The following MDFIC2 variants were observed in gnomAD, a reference collection of about 807,000 sequenced individuals.
The protein encoded by MDFIC2 is myoD family inhibitor domain-containing protein 2.
intron 3 of MDFIC2, among the ~76,000 whole-genome samples, chr3:70,201,827 G>T (rs1392245320): frequency 6.6e-6 from 1 of 152,168 alleles, no homozygotes; most frequent in Non-Finnish European, 1.5e-5. Flanking sequence ...GACTGGCAAA[G>T]ATCATTTTCC....
intron 2 of MDFIC2, among the ~76,000 whole-genome samples, chr3:70,290,644 C>T (rs902672000): frequency 1.6e-4 from 24 of 152,132 alleles, no homozygotes; most frequent in Non-Finnish European, 2.4e-4. Flanking sequence ...CAATGGCGGG[C>T]GCCCCTCCCC....
At chr3:70,242,597 C>G (rs964864910) in intron 2 of MDFIC2, among the ~76,000 whole-genome samples, 1 of 152,034 alleles carries the variant, frequency 6.6e-6, no homozygotes, top group Non-Finnish European at 1.5e-5. Context: ...TTCATTGTGC[C>G]CATTATATCT....
Position 70,196,872 on chromosome 3 carries a change from T to C in MDFIC2, c.*54A>G, listed in dbSNP as rs36049168. ...CACATGGAAATCAGTCTTGTTGTAA[T>C]GGAATTTCCCACCGTGGCCAAAAGG... On this transcript the variant is annotated 3_prime_UTR_variant, in exon 4 of 4. Coordinates refer to ENST00000567252, the MANE Select transcript of MDFIC2 (RefSeq NM_001364677.1). 0.54 allele frequency: 216,339 copies of C among 397,874 alleles called. 62,472 individuals are homozygous for C. Among genetic ancestry groups the C allele is most frequent in the Non-Finnish European group, 0.6 (135,273 of 225,832 alleles). The allele number at this position is 397,874 out of a possible 1,614,324, so 24.6% of individuals were successfully genotyped here.
At chr3:70,263,604 G>C (rs1419861257) in intron 2 of MDFIC2, among the ~76,000 whole-genome samples, 2 of 152,170 alleles carry the variant, frequency 1.3e-5, no homozygotes, top group African/African-American at 2.4e-5. Context: ...TAGCCTCATA[G>C]GGTTTCACTT....
chr3:70,223,547 GGTT>G (rs1353541741), intron 2 of MDFIC2, among the ~76,000 whole-genome samples: 1 of 152,110 alleles, frequency 6.6e-6, no homozygotes, highest in African/African-American at 2.4e-5. Flanking sequence ...GAAAGGCTGA[GGTT>G]GTCTCCCCCA....
chr3:70,237,593 A>C (rs1559542016), intron 2 of MDFIC2, among the ~76,000 whole-genome samples: 1 of 152,132 alleles, frequency 6.6e-6, no homozygotes, highest in Non-Finnish European at 1.5e-5. Context: ...ATGTTTTTAT[A>C]CTCCCACAGA....
At chr3:70,303,942 C>T (rs1427745892) in intron 2 of MDFIC2, among the ~76,000 whole-genome samples, 1 of 152,158 alleles carries the variant, frequency 6.6e-6, no homozygotes, top group Middle Eastern at 3.2e-3. Flanking sequence ...CTCAGCTTCT[C>T]AAGGTGCTGG....
At chr3:70,222,937 T>G (rs1207745297) in intron 2 of MDFIC2, among the ~76,000 whole-genome samples, 1 of 152,216 alleles carries the variant, frequency 6.6e-6, no homozygotes, top group African/African-American at 2.4e-5. Context: ...ATGGTATACC[T>G]ACATAATTTA....
intron 2 of MDFIC2, among the ~76,000 whole-genome samples, chr3:70,265,728 AG>A (rs1390910831): frequency 6.6e-6 from 1 of 152,220 alleles, no homozygotes; most frequent in Non-Finnish European, 1.5e-5. Context: ...CAAAGAAAAA[AG>A]GTTTAATTGA....
At chr3:70,205,900 A>T (rs570029338) in intron 3 of MDFIC2, 6 of 152,194 alleles carry the variant, frequency 3.9e-5, no homozygotes, top group African/African-American at 1.4e-4. Context: ...TTGCAAAGTT[A>T]ACCTAAGTAA....
chr3:70,303,576 A>C (rs1702370343), intron 2 of MDFIC2, among the ~76,000 whole-genome samples: 1 of 152,178 alleles, frequency 6.6e-6, no homozygotes, highest in African/African-American at 2.4e-5. Context: ...TTTTTCATTA[A>C]TGTAGCCAGA....
intron 2 of MDFIC2, among the ~76,000 whole-genome samples, chr3:70,230,857 T>C (rs1341874163): frequency 1.3e-5 from 2 of 152,150 alleles, no homozygotes; most frequent in African/African-American, 2.4e-5. Context: ...TGTTACTATC[T>C]TCCTCCCAAG....
At chr3:70,257,867 AT>A (rs1461233384) in intron 2 of MDFIC2, among the ~76,000 whole-genome samples, 4 of 152,194 alleles carry the variant, frequency 2.6e-5, no homozygotes, top group Non-Finnish European at 5.9e-5. Flanking sequence ...TTACTATTTG[AT>A]TTCCAAAGTT....
intron 2 of MDFIC2, among the ~76,000 whole-genome samples, chr3:70,278,680 A>C (rs1360059577): frequency 6.6e-6 from 1 of 152,122 alleles, no homozygotes; most frequent in East Asian, 1.9e-4. Context: ...TGTATGATGG[A>C]TATGCTAGGG....
At chr3:70,295,105 A>T (rs181720603) in intron 2 of MDFIC2, among the ~76,000 whole-genome samples, 1 of 152,190 alleles carries the variant, frequency 6.6e-6, no homozygotes, top group Non-Finnish European at 1.5e-5. Context: ...TTATTGGGTT[A>T]AACCAGTCAG....
intron 2 of MDFIC2, among the ~76,000 whole-genome samples, chr3:70,282,480 A>G (rs544249386): frequency 6.6e-6 from 1 of 152,306 alleles, no homozygotes; most frequent in Admixed American, 6.5e-5. Flanking sequence ...AAGGCCTGCT[A>G]TGATTGGGCC....
At chr3:70,204,090 A>T (rs568368742) in intron 3 of MDFIC2, among the ~76,000 whole-genome samples, 6 of 152,204 alleles carry the variant, frequency 3.9e-5, no homozygotes, top group Admixed American at 3.9e-4. Context: ...CAAAATCTGC[A>T]TGTGTGAGGC....
chr3:70,238,437 A>G (rs1047414004), intron 2 of MDFIC2, among the ~76,000 whole-genome samples: 10 of 152,026 alleles, frequency 6.6e-5, no homozygotes, highest in African/African-American at 2.2e-4. Context: ...TAGAAATCCC[A>G]TCTCTACAAA....
chr3:70,199,725 C>T (rs1388134873), intron 3 of MDFIC2, among the ~76,000 whole-genome samples: 1 of 152,212 alleles, frequency 6.6e-6, no homozygotes, highest in Non-Finnish European at 1.5e-5. Context: ...TGGATTTCCT[C>T]TTGTCCTGAA....
Sources: gnomAD v4.1 joint callset for allele counts (sites outside exome capture counted in the v4.1 genomes callset) on GRCh38, gnomAD v4.1.1 for gene constraint, MANE v1.5 for transcripts, NCBI Gene and HGNC (gene_info 2026-07-23, HGNC 2026-07-21) for gene names.